Variants in TVP23A observed in about 807,000 individuals in gnomAD.
TVP23A encodes trans-golgi network vesicle protein 23 homolog A.
A neutral mutation model predicts 31.7 loss-of-function variants in TVP23A; 21 were observed. That is an observed-to-expected ratio of 0.66 (90% CI 0.47 to 0.95). TVP23A has a LOEUF of 0.95. Among genes scored for constraint, TVP23A ranks in the 40% least tolerant of loss-of-function variants. The pLI is 0.00. For synonymous variants in TVP23A, 104 were observed against 96.0 expected (o/e 1.08, Z -0.49); for missense variants, 279 against 255.6 (o/e 1.09, Z -0.62).
intron 4 of TVP23A, 64 bp downstream of exon 4, chr16:10,773,975 C>T: frequency 1.5e-6 from 2 of 1,309,560 alleles, no homozygotes; most frequent in Non-Finnish European, 2.1e-6. Flanking sequence ...TCCAAAGGAA[C>T]CCACAGAAAC....
At chr16:10,775,997 C>T (rs2031989373) in intron 2 of TVP23A, among the ~76,000 whole-genome samples, 1 of 151,644 alleles carries the variant, frequency 6.6e-6, no homozygotes, top group South Asian at 2.1e-4. Flanking sequence ...GATCTGTCCA[C>T]TTTGGCTTCC....
intron 2 of TVP23A, among the ~76,000 whole-genome samples, chr16:10,808,356 G>A (rs1596571971): frequency 1.3e-5 from 2 of 152,072 alleles, no homozygotes; most frequent in Non-Finnish European, 2.9e-5. Flanking sequence ...TGATTGGCTA[G>A]TTAGGGATTT....
At chr16:10,800,845 G>C (rs896660440) in intron 2 of TVP23A, among the ~76,000 whole-genome samples, 8 of 151,944 alleles carry the variant, frequency 5.3e-5, no homozygotes, top group Admixed American at 2.0e-4. Context: ...TAAAAACTTA[G>C]CCAGGCATGG....
chr16:10,768,899 G>A lies in TVP23A; in HGVS notation c.*203C>T. On this transcript the variant is annotated 3_prime_UTR_variant, in exon 8 of 8. Coordinates refer to ENST00000299866, the MANE Select transcript of TVP23A (RefSeq NM_001079512.4). The surrounding 1 kb of genome is among the most constrained non-coding windows in gnomAD (Gnocchi z 4.3). The stretch of plus-strand genomic sequence containing the variant: ...GTGAGGTATTCCGGTCACTTTCAAA[G>A]ACTCAGGGCATCACAGACACAGGTC... The A allele has an allele frequency of 3.0e-6, 2 of 673,480 alleles. No individual in the cohort carries two copies. Among genetic ancestry groups the A allele is most frequent in the South Asian group, 3.8e-5 (2 of 52,412 alleles). The allele number at this position is 673,480 out of a possible 1,614,324, so 41.7% of individuals were successfully genotyped here. A position where few individuals can be genotyped will look rare whatever the true frequency, so the allele number is the denominator to read the frequency against.
intron 3 of TVP23A, 53 bp from the exon 4 acceptor site, chr16:10,774,181 T>C: frequency 7.2e-7 from 1 of 1,381,476 alleles, no homozygotes; most frequent in Non-Finnish European, 1.0e-6. Flanking sequence ...AGAGGCTTAT[T>C]CACTGTATTG....
At chr16:10,780,991 C>T (rs76467205) in intron 2 of TVP23A, among the ~76,000 whole-genome samples, 5,894 of 152,204 alleles carry the variant, frequency 0.039, 363 homozygotes, top group African/African-American at 0.14. Flanking sequence ...GGTGCTATTT[C>T]CACACAGTAT....
chr16:10,774,337 C>T (rs2031845355), intron 3 of TVP23A, among the ~76,000 whole-genome samples: 1 of 152,154 alleles, frequency 6.6e-6, no homozygotes, highest in South Asian at 2.1e-4. Flanking sequence ...CCCCACAAAA[C>T]ATATATAATT....
chr16:10,758,810 G>A (rs759030325), downstream of TVP23A, among the ~76,000 whole-genome samples: 8 of 152,132 alleles, frequency 5.3e-5, no homozygotes, highest in Non-Finnish European at 8.8e-5. Flanking sequence ...GGGTGCCTTC[G>A]CTTCTTCCGT....
chr16:10,810,837 C>T (rs1038386851), intron 2 of TVP23A, among the ~76,000 whole-genome samples: 29 of 152,118 alleles, frequency 1.9e-4, no homozygotes, highest in African/African-American at 5.6e-4. Flanking sequence ...CCCAGGCCTT[C>T]GGGCTAGGAT....
At position 10,761,585 on chromosome 16, in the gene TVP23A, T is replaced by C. The variant is rs2029904607; in HGVS notation, c.*207-17A>G. 5 of 1,071,096 alleles carry C rather than the reference T, an allele frequency of 4.7e-6. No homozygotes were observed. The Admixed American group carries it at 9.4e-5, about 20-fold the overall frequency. The allele number at this position is 1,071,096 out of a possible 1,614,324, so 66.3% of individuals were successfully genotyped here. A position where few individuals can be genotyped will look rare whatever the true frequency, so the allele number is the denominator to read the frequency against. On this transcript the variant is annotated splice_polypyrimidine_tract_variant and intron_variant and NMD_transcript_variant, in intron 8 of 8. Coordinates refer to the TVP23A transcript ENST00000456096. ...CTGCTTTCCCTGTCATTTTGGGAAGTGGAATCACAATTAAAATCCCTTTCT... is the reference window on the plus strand; with the variant it reads ...CTGCTTTCCCTGTCATTTTGGGAAGCGGAATCACAATTAAAATCCCTTTCT...
chr16:10,789,341 CA>C (rs538320744), intron 2 of TVP23A, among the ~76,000 whole-genome samples: 347 of 151,796 alleles, frequency 2.3e-3, no homozygotes, highest in African/African-American at 8.1e-3. Context: ...CAAAATACGA[CA>C]AAAAAATGTG....
rs548001495 is a variant in TVP23A, at chr16:10,804,831, T to C, written c.89+13272A>G. 2.0e-5 allele frequency among the ~76,000 whole-genome samples: 3 copies of C among 152,284 alleles called. No individual in the cohort carries two copies. In the South Asian group the frequency reaches 6.2e-4, roughly 32 times the overall value. On this transcript the variant is annotated intron_variant, in intron 2 of 7. Coordinates refer to ENST00000299866, the MANE Select transcript of TVP23A (RefSeq NM_001079512.4). The stretch of plus-strand genomic sequence containing the variant: ...AATTCACAACCCACAAAATTAACCA[T>C]TTTAAAGTACACACTCCAGTGGCAT...
chr16:10,789,118 G>A (rs965605422), intron 2 of TVP23A, among the ~76,000 whole-genome samples: 6 of 152,216 alleles, frequency 3.9e-5, no homozygotes, highest in Admixed American at 2.6e-4. Context: ...ATGAGCCACC[G>A]TGCCCGGACA....
At chr16:10,775,225 G>C in intron 2 of TVP23A, 129 bp from the exon 3 acceptor site, 3 of 1,463,426 alleles carry the variant, frequency 2.0e-6, no homozygotes, top group Non-Finnish European at 2.7e-6. Context: ...CGGTGCATAT[G>C]ACGCAGAAAC....
At chr16:10,772,600 C>T (rs1294356118) in intron 5 of TVP23A, among the ~76,000 whole-genome samples, 1 of 151,870 alleles carries the variant, frequency 6.6e-6, no homozygotes, top group Non-Finnish European at 1.5e-5. Context: ...AAACTCCTGA[C>T]CTCAGGTGAT....
At chr16:10,771,009 C>T (rs1408598595) in intron 6 of TVP23A, among the ~76,000 whole-genome samples, 2 of 151,888 alleles carry the variant, frequency 1.3e-5, no homozygotes, top group Non-Finnish European at 2.9e-5. Context: ...TAGGAGGTCC[C>T]TAGGGCTGTC....
At chr16:10,775,677 C>T in intron 2 of TVP23A, 1 of 354,268 alleles carries the variant, frequency 2.8e-6, no homozygotes, top group Non-Finnish European at 3.9e-6. Flanking sequence ...TGCCTTTAGA[C>T]ACAAACCTGG....
At chr16:10,810,901 G>A (rs1021241518) in intron 2 of TVP23A, among the ~76,000 whole-genome samples, 4 of 152,150 alleles carry the variant, frequency 2.6e-5, no homozygotes, top group African/African-American at 9.7e-5. Context: ...GGCAGATCGT[G>A]GGACTTCTCA....
chr16:10,804,456 G>C (rs2033849687), intron 2 of TVP23A, among the ~76,000 whole-genome samples: 1 of 152,154 alleles, frequency 6.6e-6, no homozygotes, highest in South Asian at 2.1e-4. Context: ...ATTTCCAAAA[G>C]AAGCCAGCAG....
Sources: allele counts gnomAD v4.1 joint callset (sites outside exome capture counted in the v4.1 genomes callset), GRCh38; gene constraint gnomAD v4.1.1; non-coding constraint Gnocchi (gnomAD v3.1); transcripts MANE v1.5; gene names NCBI Gene and HGNC (gene_info 2026-07-23, HGNC 2026-07-21).